The following FAM151B variants were observed in gnomAD, a reference collection of about 807,000 sequenced individuals.
The protein encoded by FAM151B is protein FAM151B.
FAM151B carries 24 observed loss-of-function variants against 31.2 expected under a neutral mutation model. The ratio of observed to expected loss-of-function variants is 0.77; its 90% CI spans 0.56 to 1.08. The LOEUF is 1.08. Among genes scored for constraint, FAM151B ranks in the 50% least tolerant of loss-of-function variants. FAM151B has a pLI of 0.00. For missense variants in FAM151B, 293 were observed against 328.6 expected (o/e 0.89, Z 0.84); for synonymous variants, 105 against 111.4 (o/e 0.94, Z 0.36).
In FAM151B at chr5:80,541,747, T is replaced by A; in HGVS notation, c.746T>A (p.Phe249Tyr). ...GATTTACTTTACATTAGAGACCATT[T>A]TGACAAAAAACAAGTTTTCTATGAC... ...VEDLLYIRDH[F>Y]DKKQVFYDIL... Residue 249 changes from phenylalanine (F) to tyrosine (Y), a missense_variant, in exon 6 of 6, where the codon TTT becomes TAT. By Grantham distance (22) the Phe-to-Tyr change is conservative (BLOSUM62 3). Coordinates refer to ENST00000282226, the MANE Select transcript of FAM151B (RefSeq NM_205548.3). 1 of 1,613,724 alleles carries A rather than the reference T, an allele frequency of 6.2e-7. No homozygotes were observed. The highest frequency in any genetic ancestry group is 8.5e-7 in the Non-Finnish European group (1 of 1,179,750).
chr5:80,489,334 T>C (rs978013544), intron 1 of FAM151B, among the ~76,000 whole-genome samples: 2 of 152,168 alleles, frequency 1.3e-5, no homozygotes, highest in Admixed American at 6.5e-5. Context: ...GTGAACTTTT[T>C]TCTCTCTCTC....
chr5:80,493,235 A>G (rs1308061555), intron 1 of FAM151B, among the ~76,000 whole-genome samples: 2 of 152,196 alleles, frequency 1.3e-5, no homozygotes, highest in Non-Finnish European at 2.9e-5. Context: ...TTTCATGGAC[A>G]TTTATCACTT....
At chr5:80,528,631 C>T (rs556938804) in intron 5 of FAM151B, among the ~76,000 whole-genome samples, 3 of 152,024 alleles carry the variant, frequency 2.0e-5, no homozygotes, top group Admixed American at 2.0e-4. Context: ...GTGGCATGTG[C>T]CTGTAATCCC....
intron 5 of FAM151B, among the ~76,000 whole-genome samples, chr5:80,532,671 C>T (rs1387827433): frequency 1.3e-5 from 2 of 152,198 alleles, no homozygotes; most frequent in Non-Finnish European, 2.9e-5. Context: ...ATTTACAGAA[C>T]ATTTCATCCA....
intron 1 of FAM151B, chr5:80,498,730 T>C (rs1268521010): frequency 1.7e-6 from 1 of 576,944 alleles, no homozygotes; most frequent in Non-Finnish European, 3.3e-6. Context: ...TTATTATTCT[T>C]GGGAGTGGTG....
At chr5:80,538,935 A>G (rs1355225279) in intron 5 of FAM151B, among the ~76,000 whole-genome samples, 2 of 149,750 alleles carry the variant, frequency 1.3e-5, no homozygotes, top group African/African-American at 4.9e-5. Flanking sequence ...ATGGTATGTC[A>G]TACACCTTGC....
chr5:80,496,831 G>A (rs1300188363), intron 1 of FAM151B, among the ~76,000 whole-genome samples: 6 of 113,216 alleles, frequency 5.3e-5, no homozygotes, highest in Non-Finnish European at 1.0e-4. Context: ...TTTTTTTTGA[G>A]ACGGAGTCTT....
intron 3 of FAM151B, among the ~76,000 whole-genome samples, chr5:80,516,273 G>A (rs1277896229): frequency 5.3e-5 from 8 of 152,072 alleles, no homozygotes; most frequent in African/African-American, 9.7e-5. Context: ...GCAGTGAGCC[G>A]AGATCATGCC....
At position 80,494,469 on chromosome 5, in the gene FAM151B, TTTCTTTCTTTCTTTC is replaced by T. The variant is rs1561359215; in HGVS notation, c.25+6324_25+6338del. On this transcript the variant is annotated intron_variant, in intron 1 of 5. Coordinates refer to ENST00000282226, the MANE Select transcript of FAM151B (RefSeq NM_205548.3). The stretch of plus-strand genomic sequence containing the variant: ...TTTCTTTCTTTCTTTTCTTTCTTTC[TTTCTTTCTTTCTTTC>T]TTTCTTTCTTTCTTTCTTTCTTTCT... 8.4e-5 allele frequency among the ~76,000 whole-genome samples: 4 copies of T among 47,430 alleles called. 1 individual carries two copies. Among genetic ancestry groups the T allele is most frequent in the African/African-American group, 2.0e-4 (3 of 14,672 alleles). The allele number at this position is 47,430 out of a possible 152,430, so 31.1% of individuals were successfully genotyped here.
At chr5:80,498,732 G>A in intron 1 of FAM151B, 1 of 574,990 alleles carries the variant, frequency 1.7e-6, no homozygotes, top group Non-Finnish European at 3.3e-6. Context: ...ATTATTCTTG[G>A]GAGTGGTGTA....
At chr5:80,529,189 C>A (rs1023351840) in intron 5 of FAM151B, among the ~76,000 whole-genome samples, 4 of 152,070 alleles carry the variant, frequency 2.6e-5, no homozygotes, top group African/African-American at 7.2e-5. Flanking sequence ...TTGAAACCAA[C>A]AAGAACAAAG....
At chr5:80,488,819 C>T (rs1398754812) in intron 1 of FAM151B, among the ~76,000 whole-genome samples, 1 of 152,096 alleles carries the variant, frequency 6.6e-6, no homozygotes, top group Non-Finnish European at 1.5e-5. Context: ...TCTTCTGAAT[C>T]GATGCACAGT....
At chr5:80,512,384 G>A (rs1404014684) in intron 2 of FAM151B, among the ~76,000 whole-genome samples, 1 of 152,170 alleles carries the variant, frequency 6.6e-6, no homozygotes, top group African/African-American at 2.4e-5. Flanking sequence ...GGGTGTTTAT[G>A]CTTGCAAAAA....
intron 5 of FAM151B, among the ~76,000 whole-genome samples, chr5:80,538,740 GCACCCGC>G (rs1177804905): frequency 1.3e-5 from 2 of 151,472 alleles, no homozygotes; most frequent in African/African-American, 2.4e-5. Flanking sequence ...GGGATTACAG[GCACCCGC>G]CACCATACCC....
intron 5 of FAM151B, among the ~76,000 whole-genome samples, chr5:80,532,992 C>T (rs1745318732): frequency 5.3e-5 from 8 of 152,104 alleles, no homozygotes; most frequent in Admixed American, 5.2e-4. Context: ...GCAGATGCAG[C>T]AAAAGCCATA....
At chr5:80,512,780 T>TAAAAA (rs149239966) in intron 2 of FAM151B, among the ~76,000 whole-genome samples, 61 of 132,964 alleles carry the variant, frequency 4.6e-4, no homozygotes, top group Middle Eastern at 7.9e-3. Context: ...ACCCTGTTTC[T>TAAAAA]AAAAAAAAAA....
intron 5 of FAM151B, among the ~76,000 whole-genome samples, chr5:80,533,411 AAAGC>A (rs930884939): frequency 2.0e-5 from 3 of 151,704 alleles, no homozygotes; most frequent in South Asian, 2.1e-4. Flanking sequence ...AAAAACTAGA[AAAGC>A]AAGAGCAAAC....
chr5:80,530,919 G>A (rs571720048), intron 5 of FAM151B, among the ~76,000 whole-genome samples: 3 of 152,194 alleles, frequency 2.0e-5, no homozygotes, highest in African/African-American at 2.4e-5. Context: ...AAAAGAGCCC[G>A]CATTGCCAAG....
intron 1 of FAM151B, chr5:80,495,069 C>G (rs1412677492): frequency 6.6e-6 from 1 of 152,132 alleles, no homozygotes; most frequent in Non-Finnish European, 1.5e-5. Flanking sequence ...AACAACAAAG[C>G]CTGGATGACA....
Sources: gnomAD v4.1 joint callset for allele counts (sites outside exome capture counted in the v4.1 genomes callset) on GRCh38, gnomAD v4.1.1 for gene constraint, MANE v1.5 for transcripts, NCBI Gene and HGNC (gene_info 2026-07-23, HGNC 2026-07-21) for gene names.